The following LPIN1 variants were observed in gnomAD, a reference collection of about 807,000 sequenced individuals.
The protein encoded by LPIN1 is lipin 1, also known as phosphatidate phosphatase LPIN1.
In LPIN1, 71 loss-of-function variants were observed where a neutral mutation model predicts 107.5. The observed-to-expected ratio is 0.66, with a 90% confidence interval of 0.55 to 0.80. LPIN1 has a LOEUF of 0.80. LPIN1 is among the 30% of genes least tolerant of loss of function. LPIN1 has a pLI of 0.00. For synonymous variants in LPIN1, 445 were observed against 452.6 expected (o/e 0.98, Z 0.21); for missense variants, 1,043 against 1,160.6 (o/e 0.90, Z 1.47).
chr2:11,785,919 C>T (rs989605070), intron 10 of LPIN1, among the ~76,000 whole-genome samples: 8 of 152,208 alleles, frequency 5.3e-5, no homozygotes, highest in African/African-American at 1.2e-4. Context: ...TGCTGGGTCC[C>T]GCCGGCTCCA....
intron 1 of LPIN1, among the ~76,000 whole-genome samples, chr2:11,750,927 A>G (rs1221545237): frequency 6.6e-6 from 1 of 152,200 alleles, no homozygotes; most frequent in African/African-American, 2.4e-5. Context: ...CCAAGACACG[A>G]ATTTGGACAG....
chr2:11,717,750 G>A (rs953877895), intron 2 of LPIN1, among the ~76,000 whole-genome samples: 2 of 150,908 alleles, frequency 1.3e-5, no homozygotes, highest in Non-Finnish European at 2.9e-5. Flanking sequence ...TCCTCACAAC[G>A]GCCTTCTAAG....
intron 8 of LPIN1, 116 bp from the exon 9 acceptor site, chr2:11,783,713 T>C (rs1446928041): frequency 1.2e-5 from 10 of 866,370 alleles, no homozygotes; most frequent in Non-Finnish European, 1.8e-5. Context: ...CTTGGGCAGT[T>C]TGAGTACCTG....
At chr2:11,770,379 G>A (rs1307370231) in intron 3 of LPIN1, among the ~76,000 whole-genome samples, 1 of 152,138 alleles carries the variant, frequency 6.6e-6, no homozygotes, top group Non-Finnish European at 1.5e-5. Flanking sequence ...GCACTGCTTG[G>A]TACTGCATGT....
At chr2:11,813,309 A>G (rs1469692028) in intron 17 of LPIN1, among the ~76,000 whole-genome samples, 2 of 152,212 alleles carry the variant, frequency 1.3e-5, no homozygotes, top group Non-Finnish European at 2.9e-5. Flanking sequence ...AATCCAACAT[A>G]TTCAAAATGA....
At chr2:11,815,298 C>G in intron 18 of LPIN1, 58 bp downstream of exon 18, 1 of 1,600,772 alleles carries the variant, frequency 6.2e-7, no homozygotes, top group Non-Finnish European at 8.5e-7. Flanking sequence ...CGCTCTCTTC[C>G]TAACTGCAAG....
At chr2:11,818,335 T>C (rs1395109449) in intron 18 of LPIN1, 2 of 152,278 alleles carry the variant, frequency 1.3e-5, no homozygotes. Flanking sequence ...TGTTTAGGTC[T>C]TTCCTAATAT....
intron 12 of LPIN1, among the ~76,000 whole-genome samples, chr2:11,789,439 T>C (rs1024116417): frequency 5.3e-5 from 8 of 152,080 alleles, no homozygotes; most frequent in African/African-American, 1.9e-4. Context: ...TGCGTGTGTG[T>C]ATGTGCATGT....
chr2:11,824,844 A>C lies in LPIN1; in HGVS notation c.*53A>C. On this transcript the variant is annotated 3_prime_UTR_variant, in exon 21 of 21. Transcript: ENST00000674199. ...GTGCAGAGCCTGGTTGTCACCCATTAAAGGATAGGTCTCCCCGGAGTGCAC... is the reference window on the plus strand; with the variant it reads ...GTGCAGAGCCTGGTTGTCACCCATTCAAGGATAGGTCTCCCCGGAGTGCAC... 1 of 1,605,692 alleles carries C rather than the reference A, an allele frequency of 6.2e-7. No homozygotes were observed. The highest frequency in any genetic ancestry group is 8.5e-7 in the Non-Finnish European group (1 of 1,173,318).
In LPIN1 at chr2:11,820,392, T is replaced by C. The variant is rs372853847; in HGVS notation, c.2518-19T>C. 6.6e-5 allele frequency: 98 copies of C among 1,494,154 alleles called. No individual in the cohort carries two copies. Among genetic ancestry groups the C allele is most frequent in the Non-Finnish European group, 8.6e-5 (92 of 1,070,996 alleles). The allele number at this position is 1,494,154 out of a possible 1,614,324, so 92.6% of individuals were successfully genotyped here. ...ACTCTTTTCTAATGAACACTTTAAA[T>C]CACCTTTACCAAATATAGGATGTGT... On this transcript the variant is annotated intron_variant, in intron 19 of 20. Coordinates refer to ENST00000674199, the MANE Select transcript of LPIN1 (RefSeq NM_001349206.2).
At chr2:11,694,788 T>G (rs1239629918) in intron 1 of LPIN1, among the ~76,000 whole-genome samples, 1 of 152,236 alleles carries the variant, frequency 6.6e-6, no homozygotes, top group East Asian at 1.9e-4. Flanking sequence ...GTTAATTTTG[T>G]TAAAATATAA....
At chr2:11,724,544 G>T in intron 1 of LPIN1, 4 of 985,626 alleles carry the variant, frequency 4.1e-6, no homozygotes, top group Non-Finnish European at 4.8e-6. Context: ...ACCCAGGTTC[G>T]CATGAGCAGG....
intron 4 of LPIN1, among the ~76,000 whole-genome samples, chr2:11,772,981 T>G (rs928115508): frequency 6.6e-6 from 1 of 152,244 alleles, no homozygotes; most frequent in Non-Finnish European, 1.5e-5. Context: ...GGGCTTCTTA[T>G]AATTGCCTTC....
rs543019260 is a variant in LPIN1, at chr2:11,786,314, C to T, written c.1550-760C>T. ...TCAGTGTCTGATGTCTGCTGGGTTT[C>T]GGTTCGGTTCAGGGTAAATAGGAGC... On this transcript the variant is annotated intron_variant, in intron 10 of 20. Coordinates refer to ENST00000674199, the MANE Select transcript of LPIN1 (RefSeq NM_001349206.2). This position sits in a 1 kb window ranked among gnomAD's most constrained non-coding sequence, Gnocchi z 4.1. Among the ~76,000 whole-genome samples, 6 of 152,110 alleles carry T rather than the reference C, an allele frequency of 3.9e-5. No homozygotes were observed. Among genetic ancestry groups the T allele is most frequent in the Admixed American group, 6.5e-5 (1 of 15,282 alleles).
At chr2:11,788,512 C>G in intron 12 of LPIN1, 56 bp downstream of exon 12, 2 of 1,331,798 alleles carry the variant, frequency 1.5e-6, no homozygotes, top group South Asian at 2.3e-5. Context: ...GTAGCTTAAT[C>G]TGGGGTGGTT....
chr2:11,712,045 G>A lies in LPIN1; in HGVS notation c.82-1711G>A, dbSNP rs142632596. Among the ~76,000 whole-genome samples the A allele has an allele frequency of 1.6e-3, 247 of 152,334 alleles. 2 individuals are homozygous for A. The highest frequency in any genetic ancestry group is 0.01 in the South Asian group (50 of 4,832). On this transcript the variant is annotated intron_variant, in intron 1 of 21. Coordinates refer to the LPIN1 transcript ENST00000449576. ...CATTCTTAAAAAAATGAAACTGGCC[G>A]GCTTAGAGCACAAGGCCAGAGGTCC... is the stretch of plus-strand genomic sequence containing the variant.
chr2:11,744,676 G>T (rs1666713863), upstream of LPIN1, among the ~76,000 whole-genome samples: 1 of 152,210 alleles, frequency 6.6e-6, no homozygotes, highest in Non-Finnish European at 1.5e-5. Flanking sequence ...TAAGTGGCCT[G>T]AAGTTGGACT....
At chr2:11,768,853 G>A (rs546067037) in intron 3 of LPIN1, among the ~76,000 whole-genome samples, 1 of 152,194 alleles carries the variant, frequency 6.6e-6, no homozygotes, top group East Asian at 1.9e-4. Flanking sequence ...GGAGAATGGC[G>A]TGAACCCGGG....
At chr2:11,757,974 A>G (rs1019135190) in intron 1 of LPIN1, among the ~76,000 whole-genome samples, 3 of 152,144 alleles carry the variant, frequency 2.0e-5, no homozygotes, top group Non-Finnish European at 4.4e-5. Flanking sequence ...TTCTGTTTCT[A>G]TGAGTTTGTC....
Sources: gnomAD v4.1 joint callset for allele counts (sites outside exome capture counted in the v4.1 genomes callset) on GRCh38, gnomAD v4.1.1 for gene constraint, Gnocchi (gnomAD v3.1) non-coding constraint, MANE v1.5 for transcripts, NCBI Gene and HGNC (gene_info 2026-07-23, HGNC 2026-07-21) for gene names.